Variants in PCDHA3 observed in about 807,000 individuals in gnomAD.
PCDHA3 encodes protocadherin alpha-3.
In PCDHA3, 41 loss-of-function variants were observed where a neutral mutation model predicts 62.2. The observed-to-expected ratio is 0.66, with a 90% CI of 0.51 to 0.86. The LOEUF is 0.86. PCDHA3 is among the 40% of genes least tolerant of loss of function. PCDHA3 has a pLI of 0.00. For synonymous variants in PCDHA3, 640 were observed against 555.4 expected, an observed-to-expected ratio of 1.15 and a Z score of -2.14; for missense variants, 1,304 against 1,241.2, an observed-to-expected ratio of 1.05 and a Z score of -0.76.
At chr5:140,859,768 T>A (rs1469606357) in intron 1 of PCDHA3, 1 of 152,934 alleles carries the variant, frequency 6.5e-6, no homozygotes, top group Non-Finnish European at 1.5e-5. Flanking sequence ...ATACTCTCCA[T>A]GCCCTGTCTC....
At chr5:140,804,086 A>T (rs541716401) in intron 1 of PCDHA3, 1 of 160,086 alleles carries the variant, frequency 6.2e-6, no homozygotes, top group Non-Finnish European at 1.4e-5. Flanking sequence ...CAAAAATTAG[A>T]TCATTACACC....
intron 1 of PCDHA3, chr5:140,849,462 G>GTC (rs2150438289): frequency 6.3e-7 from 1 of 1,588,650 alleles, no homozygotes; most frequent in Non-Finnish European, 8.6e-7. Context: ...AGTCGAGGCT[G>GTC]TCGATAAAGG....
chr5:140,968,719 G>C lies in PCDHA3; in HGVS notation c.2395-10230G>C. The C allele has an allele frequency of 1.9e-6, 3 of 1,614,148 alleles. No homozygotes were observed. Among genetic ancestry groups the C allele is most frequent in the African/African-American group, 1.3e-5 (1 of 75,038 alleles). ...GGACTACCAGGAAGATGGGAGATGA[G>C]AGTGGTAGCACTTTCAACCTGACCG... On this transcript the variant is annotated intron_variant, in intron 1 of 3. Transcript: ENST00000522353.
intron 3 of PCDHA3, among the ~76,000 whole-genome samples, chr5:140,999,225 G>C (rs543011633): frequency 1.3e-5 from 2 of 152,222 alleles, no homozygotes; most frequent in Non-Finnish European, 2.9e-5. Context: ...CTACATTTGA[G>C]AATAGGTGGT....
chr5:140,967,112 C>T (rs1338076103), intron 1 of PCDHA3: 4 of 1,612,876 alleles, frequency 2.5e-6, no homozygotes, highest in East Asian at 2.2e-5. Flanking sequence ...GCAGCGGCCT[C>T]GCTGCCTGCT....
chr5:140,831,138 T>G (rs1208993526), intron 1 of PCDHA3: 1 of 152,186 alleles, frequency 6.6e-6, no homozygotes, highest in Admixed American at 6.6e-5. Flanking sequence ...GGTTATTGAT[T>G]TATTTACTAC....
At chr5:140,875,925 T>C in intron 1 of PCDHA3, 2 of 1,614,142 alleles carry the variant, frequency 1.2e-6, no homozygotes. Context: ...TGGACTCTCA[T>C]TTTCCTCTAG....
intron 1 of PCDHA3, chr5:140,841,459 C>A (rs1554138209): frequency 1.9e-6 from 3 of 1,612,886 alleles, no homozygotes; most frequent in African/African-American, 2.7e-5. Context: ...CCTTCGTGGG[C>A]CGGATCGCGC....
At chr5:140,853,743 T>C (rs1258118631) in intron 1 of PCDHA3, 2 of 988,454 alleles carry the variant, frequency 2.0e-6, no homozygotes, top group African/African-American at 1.8e-5. Context: ...AATGTTCTGG[T>C]TCAAGGCTCC....
At chr5:140,808,028 T>C in intron 1 of PCDHA3, 1 of 1,614,030 alleles carries the variant, frequency 6.2e-7, no homozygotes, top group East Asian at 2.2e-5. Flanking sequence ...TGTTTATTCA[T>C]TCTCAAATGA....
chr5:140,838,276 G>A (rs1775636569), intron 1 of PCDHA3, among the ~76,000 whole-genome samples: 1 of 88,868 alleles, frequency 1.1e-5, no homozygotes, highest in South Asian at 3.7e-4. Flanking sequence ...ACCAAGCCAT[G>A]CTAATTTTTT....
chr5:140,995,265 G>A (rs1293855932), intron 3 of PCDHA3, among the ~76,000 whole-genome samples: 1 of 152,102 alleles, frequency 6.6e-6, no homozygotes, highest in African/African-American at 2.4e-5. Context: ...TTGAATACAA[G>A]CCCTTTGATA....
chr5:140,830,518 T>G (rs933465467), intron 1 of PCDHA3: 1 of 1,345,070 alleles, frequency 7.4e-7, no homozygotes, highest in Admixed American at 2.6e-5. Flanking sequence ...CAGTTAATTT[T>G]TATTTTAAAT....
At chr5:140,899,753 T>G (rs2067532965) in intron 1 of PCDHA3, among the ~76,000 whole-genome samples, 1 of 152,244 alleles carries the variant, frequency 6.6e-6, no homozygotes, top group African/African-American at 2.4e-5. Flanking sequence ...TCAGAAGGAA[T>G]GGTACCAGTT....
intron 1 of PCDHA3, among the ~76,000 whole-genome samples, chr5:140,914,897 TTG>T (rs1415652208): frequency 6.6e-6 from 1 of 151,972 alleles, no homozygotes; most frequent in East Asian, 1.9e-4. Context: ...GCTTTTAACT[TTG>T]TGTTGTTTCT....
Position 140,801,412 on chromosome 5 carries a change from G to A in PCDHA3, c.215G>A (p.Gly72Glu), listed in dbSNP as rs149543626. ...TTCCGGGTGGCGTCCAAAAGACACG[G>A]GGACCTTCTGGAGGTAAATCTGCAG... ...RLFRVASKRH[G>E]DLLEVNLQNG... Residue 72 changes from glycine to glutamate, a missense_variant, in exon 1 of 4, where the codon GGG (glycine) becomes GAG (glutamate). By Grantham distance (98) the Gly-to-Glu change is moderately conservative (BLOSUM62 -2). Coordinates refer to ENST00000522353, the MANE Select transcript of PCDHA3 (RefSeq NM_018906.3). 1.3e-5 allele frequency: 21 copies of A among 1,613,802 alleles called. No homozygotes were observed. The African/African-American group carries it at 2.8e-4, about 22-fold the overall frequency.
intron 1 of PCDHA3, chr5:140,966,881 C>A: frequency 6.3e-7 from 1 of 1,589,072 alleles, no homozygotes. Context: ...GCTACCTGGC[C>A]CTGCGGCCTC....
At chr5:140,972,132 A>C (rs1412850121) in intron 1 of PCDHA3, among the ~76,000 whole-genome samples, 9 of 152,062 alleles carry the variant, frequency 5.9e-5, no homozygotes, top group African/African-American at 2.2e-4. Context: ...TCAGTGAGTT[A>C]CTACTATTTT....
intron 1 of PCDHA3, chr5:140,804,908 T>A: frequency 1.1e-6 from 1 of 874,672 alleles, no homozygotes; most frequent in Non-Finnish European, 1.6e-6. Context: ...TTCCATTTTC[T>A]TTATTTCCTT....
Sources: allele counts gnomAD v4.1 joint callset (sites outside exome capture counted in the v4.1 genomes callset), GRCh38; gene constraint gnomAD v4.1.1; transcripts MANE v1.5; gene names NCBI Gene and HGNC (gene_info 2026-07-23, HGNC 2026-07-21).